Variants in SAXO1 observed in about 807,000 individuals in gnomAD.
SAXO1 encodes 4930500O09Rik.
A neutral mutation model predicts 17.5 loss-of-function variants in SAXO1; 21 were observed. That is an observed-to-expected ratio of 1.20 (90% CI 0.85 to 1.72). The LOEUF (loss-of-function observed/expected upper bound fraction) is 1.72, where lower values mean the gene tolerates loss of function less well. Among genes scored for constraint, SAXO1 ranks in the 40% most tolerant of loss-of-function variants. SAXO1 has a pLI of 0.00. For missense variants in SAXO1, 843 were observed against 596.0 expected (o/e 1.41, Z -4.32); for synonymous variants, 274 against 216.5 (o/e 1.27, Z -2.33).
At chr9:19,043,391 G>A (rs1046422938) in intron 1 of SAXO1, among the ~76,000 whole-genome samples, 4 of 152,174 alleles carry the variant, frequency 2.6e-5, no homozygotes, top group Non-Finnish European at 5.9e-5. Context: ...ATGGTTACCA[G>A]AGGCTGGGAA....
intron 3 of SAXO1, among the ~76,000 whole-genome samples, chr9:18,939,399 G>T (rs1831451611): frequency 6.6e-6 from 1 of 152,216 alleles, no homozygotes; most frequent in Admixed American, 6.5e-5. Flanking sequence ...ACAGATCCCT[G>T]CCCCTTGGAG....
chr9:18,937,018 C>T (rs1043569763), intron 3 of SAXO1, among the ~76,000 whole-genome samples: 10 of 152,176 alleles, frequency 6.6e-5, no homozygotes, highest in Admixed American at 1.3e-4. Context: ...TATTTAATAA[C>T]CTTGGTCTTT....
rs1588417511 is a variant in SAXO1, at chr9:18,943,369, A to G, written c.219-1530T>C. On this transcript the variant is annotated intron_variant, in intron 2 of 3. Transcript: ENST00000380534. ...AAGCTGACTGTACATATCGGGGCTT[A>G]TGGAGGGAATGGACTGAACAAGCAG... Among the ~76,000 whole-genome samples the G allele has an allele frequency of 2.0e-5, 3 of 152,202 alleles. No homozygotes were observed. The South Asian group carries it at 6.2e-4, about 32-fold the overall frequency.
At chr9:18,995,326 T>C (rs897592213) in intron 1 of SAXO1, among the ~76,000 whole-genome samples, 3 of 152,210 alleles carry the variant, frequency 2.0e-5, no homozygotes, top group South Asian at 2.1e-4. Flanking sequence ...CCAGTCTCAC[T>C]TGTGGGATAA....
At chr9:18,972,039 T>C (rs908030582) in intron 1 of SAXO1, among the ~76,000 whole-genome samples, 1 of 152,228 alleles carries the variant, frequency 6.6e-6, no homozygotes, top group African/African-American at 2.4e-5. Context: ...TTGGTTTATA[T>C]GTTTTCATGA....
At chr9:19,002,588 C>T (rs1834321315) in intron 1 of SAXO1, among the ~76,000 whole-genome samples, 1 of 152,202 alleles carries the variant, frequency 6.6e-6, no homozygotes, top group African/African-American at 2.4e-5. Context: ...GCTGGTTCAA[C>T]ATAGGCAAAT....
rs765891452 is a variant in SAXO1 at position 19,032,858 on chromosome 9, G to A, written c.38+13C>T. 7.5e-6 allele frequency: 12 copies of A among 1,609,624 alleles called. No homozygotes were observed. The highest frequency in any genetic ancestry group is 5.5e-5 in the South Asian group (5 of 90,752). On this transcript the variant is annotated intron_variant, in intron 1 of 3. Coordinates refer to ENST00000380534, the MANE Select transcript of SAXO1 (RefSeq NM_153707.4). ...AGGCTCCCCCAGCCTTGCCCTGGGCGTGGCCACCTTACCCGCAGGAGCACA... is the reference window on the plus strand; with the variant it reads ...AGGCTCCCCCAGCCTTGCCCTGGGCATGGCCACCTTACCCGCAGGAGCACA...
rs139678747 is a variant in SAXO1, at chr9:18,950,879, G to A, written c.97C>T (p.Leu33Phe). The A allele has an allele frequency of 2.5e-6, 4 of 1,613,338 alleles. No individual in the cohort carries two copies. The highest frequency in any genetic ancestry group is 2.5e-6 in the Non-Finnish European group (3 of 1,179,600). Reference sequence around the variant, plus strand: ...TAGTTCTCGGTATATTCGGAGAGAAGACATGGTTTCTCTGTTTTATCATAA... The same window carrying A: ...TAGTTCTCGGTATATTCGGAGAGAAAACATGGTTTCTCTGTTTTATCATAA... ...KIYDKTEKPC[L>F]LSEYTENYPF... is the part of the protein sequence containing the mutation. The change falls in exon 2 of 4, where the codon CTT becomes TTT. Residue 33 changes from leucine to phenylalanine, a missense_variant. Transcript: ENST00000380534.
intron 1 of SAXO1, among the ~76,000 whole-genome samples, chr9:18,993,918 G>A (rs545440862): frequency 1.3e-5 from 2 of 152,278 alleles, no homozygotes; most frequent in Non-Finnish European, 2.9e-5. Flanking sequence ...AATACCAAAG[G>A]TCTTGGTAGC....
intron 1 of SAXO1, among the ~76,000 whole-genome samples, chr9:19,042,776 C>T (rs919484642): frequency 3.3e-5 from 5 of 152,082 alleles, no homozygotes; most frequent in African/African-American, 1.2e-4. Context: ...GCAGGAGAAT[C>T]GCTTGAACCG....
intron 3 of SAXO1, among the ~76,000 whole-genome samples, chr9:18,934,699 C>T (rs1831212853): frequency 6.6e-6 from 1 of 152,202 alleles, no homozygotes; most frequent in African/African-American, 2.4e-5. Flanking sequence ...TTTTCCCCCA[C>T]CATGCATGGG....
Position 19,033,100 on chromosome 9 carries a change from C to A in SAXO1, c.-192G>T, listed in dbSNP as rs958317645. On this transcript the variant is annotated 5_prime_UTR_variant, in exon 1 of 4. Transcript: ENST00000380534. The stretch of plus-strand genomic sequence containing the variant: ...TGTTGCCCTCCTGGAGCTGGCCTAG[C>A]GCGAGGTAGCAGCAGGGGGCTTGCA... 7.4e-6 allele frequency: 4 copies of A among 543,490 alleles called. No individual in the cohort carries two copies. The highest frequency in any genetic ancestry group is 1.2e-5 in the Non-Finnish European group (4 of 321,680). 33.7% of individuals were successfully genotyped at this position (543,490 alleles called of 1,614,324 possible).
At chr9:18,968,339 C>G (rs1377294475) in intron 1 of SAXO1, among the ~76,000 whole-genome samples, 1 of 152,088 alleles carries the variant, frequency 6.6e-6, no homozygotes, top group Non-Finnish European at 1.5e-5. Context: ...GCCACAGCAC[C>G]CAGCCAGAAA....
rs10640487 is a variant in SAXO1, at chr9:18,980,781, G to GAAAAAA, written c.39-29850_39-29845dup. 1.8e-3 allele frequency among the ~76,000 whole-genome samples: 155 copies of GAAAAAA among 83,862 alleles called. 6 individuals are homozygous for GAAAAAA. Among genetic ancestry groups the GAAAAAA allele is most frequent in the African/African-American group, 4.9e-3 (92 of 18,792 alleles). 55.0% of individuals were successfully genotyped at this position (83,862 alleles called of 152,430 possible). ...AGGAGAAGCATATTTTTAAAAAACT[G>GAAAAAA]AAAAAAAAAAAAAAAAAAGCCTGGA... is the stretch of plus-strand genomic sequence containing the variant. On this transcript the variant is annotated intron_variant, in intron 1 of 3. Transcript: ENST00000380534.
intron 1 of SAXO1, among the ~76,000 whole-genome samples, chr9:19,008,626 A>C (rs61667973): frequency 0.025 from 3,807 of 152,282 alleles, 146 homozygotes; most frequent in African/African-American, 0.084. Flanking sequence ...TTTCCTTAGC[A>C]AAACAATCCC....
chr9:18,977,358 C>A (rs897984554), intron 1 of SAXO1, among the ~76,000 whole-genome samples: 54 of 146,862 alleles, frequency 3.7e-4, no homozygotes, highest in African/African-American at 1.3e-3. Flanking sequence ...TTACCACATG[C>A]TGGGCATACT....
chr9:18,951,665 T>C (rs114292071), intron 1 of SAXO1, among the ~76,000 whole-genome samples: 2,569 of 152,306 alleles, frequency 0.017, 78 homozygotes, highest in African/African-American at 0.059. Context: ...CCCATCACCC[T>C]GTGTATGCCT....
At chr9:18,959,188 G>T (rs1406852632) in intron 1 of SAXO1, among the ~76,000 whole-genome samples, 2 of 152,182 alleles carry the variant, frequency 1.3e-5, no homozygotes, top group African/African-American at 4.8e-5. Flanking sequence ...AATTACCCAG[G>T]AGGTACTTAA....
chr9:18,983,047 A>G (rs1833460238), intron 1 of SAXO1, among the ~76,000 whole-genome samples: 1 of 152,200 alleles, frequency 6.6e-6, no homozygotes, highest in African/African-American at 2.4e-5. Context: ...AGCCAGACGG[A>G]CCATTAGCAG....
Sources: gnomAD v4.1 joint callset for allele counts (sites outside exome capture counted in the v4.1 genomes callset) on GRCh38, gnomAD v4.1.1 for gene constraint, MANE v1.5 for transcripts, NCBI Gene and HGNC (gene_info 2026-07-23, HGNC 2026-07-21) for gene names.